The following SDK1 variants were observed in gnomAD, a reference collection of about 807,000 sequenced individuals.
The protein encoded by SDK1 is sidekick cell adhesion molecule 1.
A neutral mutation model predicts 245.5 loss-of-function variants in SDK1; 157 were observed. The observed-to-expected ratio is 0.64, with a 90% CI of 0.56 to 0.73. The LOEUF is 0.73. Among genes scored for constraint, SDK1 ranks in the 30% least tolerant of loss-of-function variants. The probability of loss-of-function intolerance (pLI) is 0.00; values close to 1 mark genes in which losing one functional copy is unlikely to be tolerated. For missense variants in SDK1, 3,583 were observed against 3,002.3 expected, an observed-to-expected ratio of 1.19 and a Z score of -4.52; for synonymous variants, 1,647 against 1,278.5, an observed-to-expected ratio of 1.29 and a Z score of -6.15.
chr7:3,466,313 C>G (rs1781000179), intron 1 of SDK1, among the ~76,000 whole-genome samples: 1 of 151,470 alleles, frequency 6.6e-6, no homozygotes, highest in Non-Finnish European at 1.5e-5. Context: ...GTGAGATGTT[C>G]CATCCTGAAG....
chr7:3,894,690 T>C (rs576861017), intron 5 of SDK1, among the ~76,000 whole-genome samples: 60 of 151,500 alleles, frequency 4.0e-4, no homozygotes, highest in African/African-American at 1.4e-3. Context: ...AGAGTAATAC[T>C]ATTTTTTCTT....
In SDK1 at chr7:3,989,086, G is replaced by A. The variant is rs567512720; in HGVS notation, c.2131+1764G>A. ...TTAACCTTTTAATACGTAAGCTGCC[G>A]GCCTCCCTCTGTTATCCTATCTGTA... On this transcript the variant is annotated intron_variant, in intron 14 of 44. Transcript: ENST00000404826. Among the ~76,000 whole-genome samples, 8 of 152,294 alleles carry A rather than the reference G, an allele frequency of 5.3e-5. No homozygotes were observed. In the East Asian group the frequency reaches 5.8e-4, roughly 11 times the overall value.
At chr7:3,507,961 A>T (rs953823981) in intron 1 of SDK1, among the ~76,000 whole-genome samples, 1 of 152,110 alleles carries the variant, frequency 6.6e-6, no homozygotes, top group African/African-American at 2.4e-5. Flanking sequence ...TCCTGGTGGC[A>T]TTTGACACTG....
At chr7:4,222,248 C>T (rs531955746) in intron 40 of SDK1, among the ~76,000 whole-genome samples, 1 of 152,312 alleles carries the variant, frequency 6.6e-6, no homozygotes, top group East Asian at 1.9e-4. Context: ...CCTCCCCCAC[C>T]AAATTGCTTT....
chr7:3,420,529 G>A (rs1186332150), intron 1 of SDK1, among the ~76,000 whole-genome samples: 1 of 152,098 alleles, frequency 6.6e-6, no homozygotes, highest in Non-Finnish European at 1.5e-5. Context: ...CTTTATCATA[G>A]CTCTAAGTAG....
intron 20 of SDK1, among the ~76,000 whole-genome samples, chr7:4,069,251 C>T (rs1043411300): frequency 6.6e-6 from 1 of 152,174 alleles, no homozygotes; most frequent in Non-Finnish European, 1.5e-5. Flanking sequence ...GAAGTTGTAT[C>T]AGTGGCTGCC....
chr7:3,604,052 A>C (rs1382688648), intron 1 of SDK1, among the ~76,000 whole-genome samples: 1 of 152,174 alleles, frequency 6.6e-6, no homozygotes, highest in Admixed American at 6.5e-5. Context: ...ATGGTGGATA[A>C]GCTTTTTGAT....
At chr7:3,781,579 A>G (rs1295656379) in intron 4 of SDK1, among the ~76,000 whole-genome samples, 1 of 152,212 alleles carries the variant, frequency 6.6e-6, no homozygotes, top group Non-Finnish European at 1.5e-5. Context: ...CCCCAAAGAA[A>G]TGGAGATCTG....
chr7:4,031,012 CATTCACATACAT>C (rs1315825754), intron 17 of SDK1, among the ~76,000 whole-genome samples: 1 of 152,166 alleles, frequency 6.6e-6, no homozygotes. Flanking sequence ...CATACATACA[CATTCACATACAT>C]GCGCAAACAG....
At chr7:4,196,606 C>A (rs1037826024) in intron 35 of SDK1, among the ~76,000 whole-genome samples, 2 of 152,142 alleles carry the variant, frequency 1.3e-5, no homozygotes, top group Non-Finnish European at 2.9e-5. Flanking sequence ...CAGGGGAGCC[C>A]TCCTAGGCCC....
intron 1 of SDK1, among the ~76,000 whole-genome samples, chr7:3,587,615 C>G (rs1780733274): frequency 6.6e-6 from 1 of 152,228 alleles, no homozygotes; most frequent in Non-Finnish European, 1.5e-5. Context: ...ACTGGACGAT[C>G]CCTACCTACA....
At chr7:3,733,615 G>A (rs1457632958) in intron 4 of SDK1, among the ~76,000 whole-genome samples, 1 of 152,124 alleles carries the variant, frequency 6.6e-6, no homozygotes, top group East Asian at 1.9e-4. Flanking sequence ...AGTTCCAAAA[G>A]CTATGTCTGT....
At chr7:3,416,801 C>T (rs1779378011) in intron 1 of SDK1, among the ~76,000 whole-genome samples, 2 of 152,100 alleles carry the variant, frequency 1.3e-5, no homozygotes, top group South Asian at 2.1e-4. Context: ...TGTTCTGATC[C>T]CCATCTGTCT....
intron 1 of SDK1, among the ~76,000 whole-genome samples, chr7:3,425,302 A>C (rs1401503604): frequency 6.6e-6 from 1 of 152,098 alleles, no homozygotes; most frequent in Non-Finnish European, 1.5e-5. Context: ...TTATCTGTTG[A>C]GGACTTTTAT....
chr7:3,429,144 C>G (rs543466028), intron 1 of SDK1, among the ~76,000 whole-genome samples: 1 of 152,184 alleles, frequency 6.6e-6, no homozygotes, highest in Non-Finnish European at 1.5e-5. Flanking sequence ...TTTGGAGCAT[C>G]TAAAATTGTT....
At chr7:3,661,650 AG>A (rs1296484522) in intron 4 of SDK1, among the ~76,000 whole-genome samples, 1 of 152,214 alleles carries the variant, frequency 6.6e-6, no homozygotes, top group Non-Finnish European at 1.5e-5. Flanking sequence ...CCCTCGGTTT[AG>A]CATTTTCCAT....
At chr7:3,535,071 C>T (rs1176930566) in intron 1 of SDK1, among the ~76,000 whole-genome samples, 6 of 152,036 alleles carry the variant, frequency 3.9e-5, no homozygotes, top group Non-Finnish European at 7.4e-5. Context: ...GTCAGGAGTT[C>T]GAGACCAGCC....
At chr7:4,163,269 C>T (rs978396847) in intron 32 of SDK1, among the ~76,000 whole-genome samples, 3 of 152,092 alleles carry the variant, frequency 2.0e-5, no homozygotes, top group African/African-American at 2.4e-5. Flanking sequence ...CTGGTGGGCA[C>T]GAGATTCTTC....
At chr7:3,483,401 G>T (rs1008197697) in intron 1 of SDK1, among the ~76,000 whole-genome samples, 1 of 152,040 alleles carries the variant, frequency 6.6e-6, no homozygotes, top group African/African-American at 2.4e-5. Flanking sequence ...ATGTAAGAAG[G>T]CTGTTGAGTT....
Sources: allele counts gnomAD v4.1 joint callset (sites outside exome capture counted in the v4.1 genomes callset), GRCh38; gene constraint gnomAD v4.1.1; transcripts MANE v1.5; gene names NCBI Gene and HGNC (gene_info 2026-07-23, HGNC 2026-07-21).